Variants in PCDHGB1 observed in about 807,000 individuals in gnomAD.
PCDHGB1 encodes the protein protocadherin gamma subfamily B, 1.
Under a neutral mutation model 56.6 loss-of-function variants are expected in PCDHGB1, and 34 were observed. The observed-to-expected ratio is 0.60, with a 90% CI of 0.46 to 0.80. The LOEUF is 0.80. PCDHGB1 is among the 30% of genes least tolerant of loss of function. The pLI, the probability that PCDHGB1 is intolerant of heterozygous loss-of-function variation, is 0.00. For synonymous variants in PCDHGB1, 561 were observed against 505.9 expected (o/e 1.11, Z -1.46); for missense variants, 1,278 against 1,204.6 (o/e 1.06, Z -0.90).
chr5:141,478,774 G>T (rs1019315910), intron 1 of PCDHGB1: 1 of 1,496,268 alleles, frequency 6.7e-7, no homozygotes, highest in African/African-American at 1.4e-5. Flanking sequence ...ACTCATCTGT[G>T]GACCTAATTC....
At chr5:141,362,104 A>G (rs1762332057) in intron 1 of PCDHGB1, 1 of 1,613,874 alleles carries the variant, frequency 6.2e-7, no homozygotes, top group Non-Finnish European at 8.5e-7. Context: ...ACTCTCCGCT[A>G]CGGCCACGCT....
chr5:141,403,855 A>G (rs750458276), intron 1 of PCDHGB1: 12 of 1,613,676 alleles, frequency 7.4e-6, no homozygotes, highest in Non-Finnish European at 1.0e-5. Flanking sequence ...CTGGGGAAAT[A>G]TCAACAGCAA....
At chr5:141,509,536 A>T (rs778275338) in intron 3 of PCDHGB1, among the ~76,000 whole-genome samples, 1 of 152,130 alleles carries the variant, frequency 6.6e-6, no homozygotes, top group Non-Finnish European at 1.5e-5. Context: ...AGGATGAAGC[A>T]CCATCTCATT....
At chr5:141,400,652 T>A in intron 1 of PCDHGB1, 1 of 1,143,230 alleles carries the variant, frequency 8.7e-7, no homozygotes, top group Non-Finnish European at 1.3e-6. Flanking sequence ...AAAGCTGTCC[T>A]ACCATTCTTT....
In PCDHGB1 at chr5:141,428,992, C is replaced by A. The variant is rs986416866; in HGVS notation, c.2410-65815C>A. The A allele has an allele frequency of 1.3e-4, 20 of 152,092 alleles. 1 individual carries two copies. Among genetic ancestry groups the A allele is most frequent in the Admixed American group, 1.2e-3 (18 of 15,248 alleles). 9.4% of individuals were successfully genotyped at this position (152,092 alleles called of 1,614,324 possible). On this transcript the variant is annotated intron_variant, in intron 1 of 3. Transcript: ENST00000523390. Reference sequence around the variant, plus strand: ...GCCTCAGCCTCCCGGGTAGCTGGGACTACAGGCGCCCGCCACCACGCCCGG... The same window carrying A: ...GCCTCAGCCTCCCGGGTAGCTGGGAATACAGGCGCCCGCCACCACGCCCGG...
At chr5:141,383,303 C>T (rs1445366017) in intron 1 of PCDHGB1, 4 of 1,613,892 alleles carry the variant, frequency 2.5e-6, no homozygotes. Flanking sequence ...AGATTCTTGA[C>T]GGAAGAAATA....
chr5:141,404,849 C>G, intron 1 of PCDHGB1: 1 of 1,613,862 alleles, frequency 6.2e-7, no homozygotes, highest in Non-Finnish European at 8.5e-7. Context: ...TCGGGCCCTG[C>G]TAGATAGAGA....
At chr5:141,374,607 A>C in intron 1 of PCDHGB1, 1 of 1,613,660 alleles carries the variant, frequency 6.2e-7, no homozygotes, top group Non-Finnish European at 8.5e-7. Context: ...CTCAGTGGTA[A>C]TAGTCACTTC....
At chr5:141,450,754 C>G (rs192088793) in intron 1 of PCDHGB1, among the ~76,000 whole-genome samples, 1 of 150,996 alleles carries the variant, frequency 6.6e-6, no homozygotes, top group Non-Finnish European at 1.5e-5. Context: ...CCCAAAGTGC[C>G]GGGATTACAG....
intron 1 of PCDHGB1, among the ~76,000 whole-genome samples, chr5:141,443,537 T>C (rs986467958): frequency 6.6e-6 from 1 of 152,180 alleles, no homozygotes; most frequent in African/African-American, 2.4e-5. Flanking sequence ...ATTTAAAGCT[T>C]GGGAAATTGT....
intron 1 of PCDHGB1, chr5:141,393,263 A>T: frequency 6.2e-7 from 1 of 1,613,926 alleles, no homozygotes; most frequent in African/African-American, 1.3e-5. Flanking sequence ...TTCCTGGAGC[A>T]CGTTATCCAC....
At chr5:141,390,538 C>T (rs1371210436) in intron 1 of PCDHGB1, 1 of 518,192 alleles carries the variant, frequency 1.9e-6, no homozygotes, top group Non-Finnish European at 3.4e-6. Context: ...GTTTTAACCA[C>T]AAAGTGAAAG....
At chr5:141,404,287 C>A in intron 1 of PCDHGB1, 1 of 1,613,976 alleles carries the variant, frequency 6.2e-7, no homozygotes, top group Non-Finnish European at 8.5e-7. Flanking sequence ...TGACTGACAT[C>A]AATGATAATC....
At chr5:141,381,854 A>T (rs1588908690) in intron 1 of PCDHGB1, among the ~76,000 whole-genome samples, 9 of 54,602 alleles carry the variant, frequency 1.6e-4, no homozygotes, top group South Asian at 5.1e-4. Context: ...TTTTTGGCAG[A>T]GTTTTGCTCT....
chr5:141,460,912 G>GTGTA (rs145509489), intron 1 of PCDHGB1, among the ~76,000 whole-genome samples: 34,285 of 149,232 alleles, frequency 0.23, 4,672 homozygotes, highest in African/African-American at 0.39. Flanking sequence ...ATTCCATGGT[G>GTGTA]TATATATATA....
intron 1 of PCDHGB1, chr5:141,424,584 C>T (rs919265310): frequency 3.9e-5 from 6 of 152,082 alleles, no homozygotes; most frequent in African/African-American, 1.4e-4. Flanking sequence ...TTCAAATGTG[C>T]TAAAGATGTC....
chr5:141,374,708 C>G, intron 1 of PCDHGB1: 2 of 1,609,146 alleles, frequency 1.2e-6, no homozygotes, highest in East Asian at 2.2e-5. Flanking sequence ...AGCCGTTTAC[C>G]GCCTGGTCCT....
rs1562137828 is a variant in PCDHGB1 at position 141,490,359 on chromosome 5, T to C, written c.2410-4448T>C. On this transcript the variant is annotated intron_variant, in intron 1 of 3. Transcript: ENST00000523390. This position sits in a 1 kb window ranked among gnomAD's most constrained non-coding sequence, Gnocchi z 5.4. ...TGGGCACAGTAGTGGGGTTGTTTAA[T>C]GTGCGAGACCGGGACTCAGGTAGAA... The C allele has an allele frequency of 1.9e-6, 3 of 1,614,212 alleles. No individual in the cohort carries two copies. The highest frequency in any genetic ancestry group is 2.5e-6 in the Non-Finnish European group (3 of 1,180,036).
intron 1 of PCDHGB1, chr5:141,359,976 C>G (rs1462412322): frequency 1.3e-6 from 1 of 793,442 alleles, no homozygotes; most frequent in Admixed American, 3.6e-5. Flanking sequence ...GTTTGGGAGC[C>G]TCTTAGAGGG....
Sources: gnomAD v4.1 joint callset for allele counts (sites outside exome capture counted in the v4.1 genomes callset) on GRCh38, gnomAD v4.1.1 for gene constraint, Gnocchi (gnomAD v3.1) non-coding constraint, MANE v1.5 for transcripts, NCBI Gene and HGNC (gene_info 2026-07-23, HGNC 2026-07-21) for gene names.